Variants in TUBA1C observed in about 807,000 individuals in gnomAD.
The protein encoded by TUBA1C is tubulin alpha 1c, also known as tubulin alpha-1C chain.
A neutral mutation model predicts 34.9 loss-of-function variants in TUBA1C; 16 were observed. That is an observed-to-expected ratio of 0.46 (90% CI 0.31 to 0.70). The LOEUF (loss-of-function observed/expected upper bound fraction) is 0.70, where lower values mean the gene tolerates loss of function less well. Ranked by LOEUF, TUBA1C falls within the 30% of genes least tolerant of loss-of-function variation. The pLI is 0.05. For missense variants in TUBA1C, 329 were observed against 587.3 expected, an observed-to-expected ratio of 0.56 and a Z score of 4.55; for synonymous variants, 177 against 215.9, an observed-to-expected ratio of 0.82 and a Z score of 1.58.
At chr12:49,251,899 T>C (rs962192634) in intron 1 of TUBA1C, among the ~76,000 whole-genome samples, 3 of 152,012 alleles carry the variant, frequency 2.0e-5, no homozygotes, top group Non-Finnish European at 2.9e-5. Context: ...AAAAGCTACA[T>C]GATCATCTCA....
At position 49,273,361 on chromosome 12, in the gene TUBA1C, CAGTTAA is replaced by C. The variant is rs2137026920; in HGVS notation, c.*139_*144del. 5.2e-6 allele frequency: 8 copies of C among 1,531,638 alleles called. No homozygotes were observed. The highest frequency in any genetic ancestry group is 7.1e-6 in the Non-Finnish European group (8 of 1,128,400). 94.9% of individuals were successfully genotyped at this position (1,531,638 alleles called of 1,614,324 possible). A position where few individuals can be genotyped will look rare whatever the true frequency, so the allele number is the denominator to read the frequency against. On this transcript the variant is annotated 3_prime_UTR_variant, in exon 4 of 4. Coordinates refer to ENST00000301072, the MANE Select transcript of TUBA1C (RefSeq NM_032704.5). ...GTCGAGCTGACTTAAATACTTGATC[CAGTTAA>C]AGTTGGATGTATGAGGCTGGTAGAT...
At chr12:49,235,433 C>T (rs1942544142) in intron 1 of TUBA1C, among the ~76,000 whole-genome samples, 1 of 152,024 alleles carries the variant, frequency 6.6e-6, no homozygotes, top group Non-Finnish European at 1.5e-5. Flanking sequence ...GAGAGACTCG[C>T]TGGCACCTTG....
intron 1 of TUBA1C, 104 bp from the exon 2 acceptor site, chr12:49,269,360 GC>G (rs1413335039): frequency 1.9e-6 from 3 of 1,544,726 alleles, no homozygotes; most frequent in African/African-American, 1.4e-5. Flanking sequence ...ACTGCGCCCA[GC>G]CAGTTATCTG....
At chr12:49,250,300 G>A (rs370774960) in intron 1 of TUBA1C, among the ~76,000 whole-genome samples, 36 of 151,688 alleles carry the variant, frequency 2.4e-4, no homozygotes, top group African/African-American at 7.3e-4. Flanking sequence ...CCAGGCAGGC[G>A]GATCACGAGG....
intron 1 of TUBA1C, among the ~76,000 whole-genome samples, chr12:49,229,993 G>A (rs1327276604): frequency 6.6e-6 from 1 of 151,654 alleles, no homozygotes; most frequent in East Asian, 1.9e-4. Flanking sequence ...TCACCATGTT[G>A]GCCAGGCAGG....
chr12:49,273,202 G>C lies in TUBA1C; in HGVS notation c.1325G>C (p.Gly442Ala). 6.2e-7 allele frequency: 1 copy of C among 1,614,238 alleles called. No individual in the cohort carries two copies. The highest frequency in any genetic ancestry group is 8.5e-7 in the Non-Finnish European group (1 of 1,180,050). Residue 442 changes from glycine (G) to alanine (A), a missense_variant, in exon 4 of 4, where the codon GGA (glycine) becomes GCA (alanine). Around this residue, in one of 4 missense-constraint regions of TUBA1C, gnomAD observed 34 missense variants for 31.8 expected, o/e 1.07. Transcript: ENST00000301072. ...YEEVGADSAD[G>A]EDEGEEY ...GAGGTTGGAGCAGATAGTGCTGACG[G>C]AGAGGATGAGGGTGAAGAGTATTAA...
chr12:49,267,725 T>A (rs1942934338), intron 1 of TUBA1C, among the ~76,000 whole-genome samples: 1 of 152,156 alleles, frequency 6.6e-6, no homozygotes, highest in Non-Finnish European at 1.5e-5. Context: ...TGGAGCTGGG[T>A]GAGTAGACCC....
chr12:49,251,966 G>T (rs373034088), intron 1 of TUBA1C, among the ~76,000 whole-genome samples: 13 of 151,966 alleles, frequency 8.6e-5, no homozygotes, highest in Admixed American at 7.2e-4. Flanking sequence ...AAAACTCAAC[G>T]AACTAGGAAT....
intron 1 of TUBA1C, among the ~76,000 whole-genome samples, chr12:49,238,310 A>G (rs891321291): frequency 6.6e-6 from 1 of 152,198 alleles, no homozygotes; most frequent in African/African-American, 2.4e-5. Context: ...CTGTCACTCA[A>G]CAATCAACAC....
intron 3 of TUBA1C, among the ~76,000 whole-genome samples, chr12:49,270,852 G>T (rs1942982004): frequency 6.6e-6 from 1 of 152,062 alleles, no homozygotes; most frequent in Admixed American, 6.6e-5. Context: ...GGTGGTGGGC[G>T]CCTGTAGTCC....
chr12:49,254,916 A>G (rs1418071876), intron 1 of TUBA1C, among the ~76,000 whole-genome samples: 1 of 152,132 alleles, frequency 6.6e-6, no homozygotes, highest in African/African-American at 2.4e-5. Context: ...GCTCTGTGTC[A>G]GGAACTTGGT....
At chr12:49,256,409 GCT>G (rs1468949907) in intron 1 of TUBA1C, 1 of 455,126 alleles carries the variant, frequency 2.2e-6, no homozygotes, top group East Asian at 6.9e-5. Flanking sequence ...TGTGAACCCA[GCT>G]CTGTCCCTTG....
At chr12:49,270,999 A>T (rs1592288800) in intron 3 of TUBA1C, among the ~76,000 whole-genome samples, 1 of 152,050 alleles carries the variant, frequency 6.6e-6, no homozygotes, top group South Asian at 2.1e-4. Flanking sequence ...ACAAACAAAA[A>T]AAACCCTAAG....
At chr12:49,248,201 G>A (rs1048091434) in intron 1 of TUBA1C, among the ~76,000 whole-genome samples, 25 of 151,822 alleles carry the variant, frequency 1.6e-4, no homozygotes, top group African/African-American at 5.8e-4. Flanking sequence ...CTTGAACCTG[G>A]GAGGCGGAGG....
chr12:49,239,835 G>A lies in TUBA1C; in HGVS notation c.213+11669G>A, dbSNP rs115629219. 1.4e-3 allele frequency among the ~76,000 whole-genome samples: 210 copies of A among 152,074 alleles called. 2 individuals carry two copies. Among genetic ancestry groups the A allele is most frequent in the African/African-American group, 4.9e-3 (203 of 41,446 alleles). On this transcript the variant is annotated intron_variant, in intron 1 of 3. Coordinates refer to the TUBA1C transcript ENST00000541364. Reference sequence around the variant, plus strand: ...GATAACAAATCAGCACTGAATATTGGCATTAAGTAGAGAGTCTAGCATCTC... The same window carrying A: ...GATAACAAATCAGCACTGAATATTGACATTAAGTAGAGAGTCTAGCATCTC...
chr12:49,261,919 TG>T (rs1279308829), upstream of TUBA1C, among the ~76,000 whole-genome samples: 1 of 152,204 alleles, frequency 6.6e-6, no homozygotes, highest in African/African-American at 2.4e-5. Context: ...TCTAATGTTC[TG>T]GTGATTCTTC....
At chr12:49,270,198 G>GA (rs1942973013) in intron 3 of TUBA1C, 1 of 893,968 alleles carries the variant, frequency 1.1e-6, no homozygotes, top group Non-Finnish European at 1.7e-6. Context: ...GCTTCAAGCT[G>GA]AGACACCCCT....
At chr12:49,264,831 TCCC>T (rs1942880332), upstream of TUBA1C, 1 of 107,158 alleles carries the variant, frequency 9.3e-6, no homozygotes, top group Non-Finnish European at 2.0e-5. Flanking sequence ...CTCCCCTTCC[TCCC>T]CTTCCTCCCC....
intron 1 of TUBA1C, among the ~76,000 whole-genome samples, chr12:49,238,560 C>T (rs1016208380): frequency 2.6e-5 from 4 of 152,134 alleles, no homozygotes; most frequent in African/African-American, 7.2e-5. Flanking sequence ...CCCACAACCT[C>T]CTCCTTGGGA....
Sources: gnomAD v4.1 joint callset for allele counts (sites outside exome capture counted in the v4.1 genomes callset) on GRCh38, gnomAD v4.1.1 for gene constraint, gnomAD v4.1.1 regional missense constraint, MANE v1.5 for transcripts, NCBI Gene and HGNC (gene_info 2026-07-23, HGNC 2026-07-21) for gene names.